The following WNT9B variants were observed in gnomAD, a reference collection of about 807,000 sequenced individuals.
The protein encoded by WNT9B is protein Wnt-9b.
WNT9B carries 12 observed loss-of-function variants against 30.2 expected under a neutral mutation model. The observed-to-expected ratio is 0.40, with a 90% CI of 0.26 to 0.64. The LOEUF (loss-of-function observed/expected upper bound fraction) is 0.64. Ranked by LOEUF, WNT9B falls within the 30% of genes least tolerant of loss-of-function variation. The probability of loss-of-function intolerance (pLI) is 0.42; values close to 1 mark genes in which losing one functional copy is unlikely to be tolerated. For synonymous variants in WNT9B, 218 were observed against 216.9 expected, an observed-to-expected ratio of 1.01 and a Z score of -0.05; for missense variants, 442 against 485.2, an observed-to-expected ratio of 0.91 and a Z score of 0.84.
chr17:46,872,823 GGGA>G, intron 2 of WNT9B, 50 bp downstream of exon 2: 9 of 1,502,490 alleles, frequency 6.0e-6, no homozygotes, highest in South Asian at 1.3e-5. Flanking sequence ...GAAGCCTTCA[GGGA>G]GGAGGAGGCT....
intron 1 of WNT9B, among the ~76,000 whole-genome samples, chr17:46,865,578 GT>G (rs1016233000): frequency 6.6e-6 from 1 of 152,096 alleles, no homozygotes; most frequent in African/African-American, 2.4e-5. Flanking sequence ...TGGTTTTGAG[GT>G]CTGTGGGTGG....
Position 46,872,779 on chromosome 17 carries a change from G to T in WNT9B, c.334+6G>T, listed in dbSNP as rs775713728. ...GATGGGCCTGCTCAAGAGAGGTGGGGAGGAGGGCTAGGGGACGGGGAGGGC... is the reference window on the plus strand; with the variant it reads ...GATGGGCCTGCTCAAGAGAGGTGGGTAGGAGGGCTAGGGGACGGGGAGGGC... On this transcript the variant is annotated splice_donor_region_variant and intron_variant, in intron 2 of 3. Transcript: ENST00000290015. The T allele has an allele frequency of 1.4e-5, 22 of 1,584,584 alleles. No homozygotes were observed. Among genetic ancestry groups the T allele is most frequent in the Non-Finnish European group, 1.6e-5 (19 of 1,160,604 alleles).
rs895881854 is a variant in WNT9B, at chr17:46,879,971, T to A, written c.*3253T>A. The stretch of plus-strand genomic sequence containing the variant: ...AGCTTGGGCTACACCACTGGGCCCC[T>A]CCCAACCTACAGATGAATTTTGATT... On this transcript the variant is annotated 3_prime_UTR_variant, in exon 4 of 4. Coordinates refer to ENST00000290015, the MANE Select transcript of WNT9B (RefSeq NM_003396.3). 7.9e-5 allele frequency among the ~76,000 whole-genome samples: 12 copies of A among 152,208 alleles called. No homozygotes were observed. The highest frequency in any genetic ancestry group is 2.9e-4 in the African/African-American group (12 of 41,462).
upstream of WNT9B, among the ~76,000 whole-genome samples, chr17:46,850,840 C>G (rs1273656743): frequency 6.6e-6 from 1 of 152,242 alleles, no homozygotes; most frequent in African/African-American, 2.4e-5. Flanking sequence ...TGGGTCCCTC[C>G]TCCCGCAGGG....
At chr17:46,845,634 G>A in intron 1 of WNT9B, among the ~76,000 whole-genome samples, 1 of 151,312 alleles carries the variant, frequency 6.6e-6, no homozygotes, top group East Asian at 1.9e-4. Context: ...GGGACTACAG[G>A]TGCCCGCCAC....
exon 5 of WNT9B, chr17:46,885,913 A>G (rs553521882): frequency 6.6e-5 from 10 of 152,272 alleles, no homozygotes; most frequent in African/African-American, 2.2e-4. Flanking sequence ...TGCCTCAACC[A>G]CAAGAACAAA....
chr17:46,869,048 C>A (rs1431170465), intron 1 of WNT9B, among the ~76,000 whole-genome samples: 2 of 152,206 alleles, frequency 1.3e-5, no homozygotes, highest in African/African-American at 2.4e-5. Context: ...GTCTTTGAGG[C>A]CTCCCAGGCT....
At chr17:46,856,013 G>A (rs963249085) in intron 1 of WNT9B, among the ~76,000 whole-genome samples, 1 of 152,124 alleles carries the variant, frequency 6.6e-6, no homozygotes, top group Non-Finnish European at 1.5e-5. Context: ...TAAGTTATCC[G>A]AGTGGCTTTG....
At chr17:46,864,363 T>A (rs2085097000) in intron 1 of WNT9B, among the ~76,000 whole-genome samples, 1 of 152,206 alleles carries the variant, frequency 6.6e-6, no homozygotes, top group African/African-American at 2.4e-5. Context: ...TCTCTTCACA[T>A]ACCAGGCCCT....
At chr17:46,835,154 C>T (rs2084612197) in intron 1 of WNT9B, among the ~76,000 whole-genome samples, 1 of 152,142 alleles carries the variant, frequency 6.6e-6, no homozygotes, top group African/African-American at 2.4e-5. Flanking sequence ...ACCACCACAC[C>T]TGGCTAATTT....
intron 1 of WNT9B, among the ~76,000 whole-genome samples, chr17:46,871,994 G>A (rs2085252361): frequency 6.6e-6 from 1 of 152,192 alleles, no homozygotes. Flanking sequence ...AGAGAGGGAT[G>A]TCAGGGGACC....
intron 1 of WNT9B, among the ~76,000 whole-genome samples, chr17:46,835,457 C>T (rs2084616962): frequency 6.6e-6 from 1 of 152,054 alleles, no homozygotes; most frequent in Non-Finnish European, 1.5e-5. Context: ...GTGATCCACC[C>T]ACCTCGGCCT....
chr17:46,880,605 T>C (rs185092334), downstream of WNT9B, among the ~76,000 whole-genome samples: 6 of 152,290 alleles, frequency 3.9e-5, no homozygotes, highest in African/African-American at 1.4e-4. Context: ...ACATTGGACA[T>C]GGTCCCCGTA....
chr17:46,872,587 G>T lies in WNT9B; in HGVS notation c.148G>T (p.Ala50Ser). The T allele has an allele frequency of 6.2e-7, 1 of 1,610,260 alleles. No homozygotes were observed. Among genetic ancestry groups the T allele is most frequent in the South Asian group, 1.1e-5 (1 of 90,380 alleles). The change falls in exon 2 of 4, where the codon GCC becomes TCC. Residue 50 changes from alanine to serine, a missense_variant. Coordinates refer to ENST00000290015, the MANE Select transcript of WNT9B (RefSeq NM_003396.3). ...GTAAAPAQGGAHLKQCDLLKL... is the reference protein window; with the variant it reads ...GTAAAPAQGGSHLKQCDLLKL... ...TGCGGCAGCCCCGGCACAGGGCGGGGCCCACCTGAAGCAGTGTGACCTGCT... is the reference window on the plus strand; with the variant it reads ...TGCGGCAGCCCCGGCACAGGGCGGGTCCCACCTGAAGCAGTGTGACCTGCT...
chr17:46,836,351 C>G (rs974580248), intron 1 of WNT9B, among the ~76,000 whole-genome samples: 10 of 152,082 alleles, frequency 6.6e-5, no homozygotes, highest in Admixed American at 6.6e-4. Context: ...ATTCATGAAG[C>G]CTGGTTTCTA....
In WNT9B at chr17:46,846,042, C is replaced by T. The variant is rs2084772715; in HGVS notation, c.95+12602C>T. Among the ~76,000 whole-genome samples the T allele has an allele frequency of 2.6e-5, 4 of 152,164 alleles. No individual in the cohort carries two copies. The South Asian group carries it at 8.3e-4, about 31-fold the overall frequency. On this transcript the variant is annotated intron_variant, in intron 1 of 2. Coordinates refer to the WNT9B transcript ENST00000575372. ...CTGATCTCAGGTGCTCCACCCACTT[C>T]AGCCTCCCAAAGTTCTGGGATTATA...
chr17:46,863,481 C>A (rs927129703), intron 1 of WNT9B, among the ~76,000 whole-genome samples: 3 of 152,042 alleles, frequency 2.0e-5, no homozygotes, highest in South Asian at 4.1e-4. Flanking sequence ...GTCTGCCATG[C>A]GGAACTGATG....
chr17:46,839,369 C>A (rs554059569), intron 1 of WNT9B, among the ~76,000 whole-genome samples: 2 of 152,322 alleles, frequency 1.3e-5, no homozygotes, highest in Admixed American at 6.5e-5. Flanking sequence ...TAGCCCCTGG[C>A]GGGTCCAGGC....
chr17:46,845,785 C>CTTTT (rs34253824), intron 1 of WNT9B, among the ~76,000 whole-genome samples: 5 of 86,782 alleles, frequency 5.8e-5, no homozygotes, highest in Non-Finnish European at 1.0e-4. Context: ...ACTGTGCTGG[C>CTTTT]TTTTTTTTTT....
Sources: allele counts gnomAD v4.1 joint callset (sites outside exome capture counted in the v4.1 genomes callset), GRCh38; gene constraint gnomAD v4.1.1; transcripts MANE v1.5; gene names NCBI Gene and HGNC (gene_info 2026-07-23, HGNC 2026-07-21).